OR6P1: variants seen among roughly 807,000 people sequenced by gnomAD.
The protein encoded by OR6P1 is olfactory receptor 6P1.
Under a neutral mutation model 6.6 loss-of-function variants are expected in OR6P1, and 5 were observed. That is an observed-to-expected ratio of 0.76 (90% CI 0.40 to 1.60). OR6P1 has a LOEUF of 1.60. OR6P1 is among the 40% of genes most tolerant of loss of function. The pLI, the probability that OR6P1 is intolerant of heterozygous loss-of-function variation, is 0.02. For synonymous variants in OR6P1, 177 were observed against 149.6 expected (o/e 1.18, Z -1.33); for missense variants, 451 against 383.0 (o/e 1.18, Z -1.48).
At chr1:158,566,533 A>C (rs1365287208) in intron 2 of OR6P1, among the ~76,000 whole-genome samples, 1 of 152,144 alleles carries the variant, frequency 6.6e-6, no homozygotes, top group Non-Finnish European at 1.5e-5. Flanking sequence ...GAACATCTGA[A>C]AGGGGACTTG....
Position 158,562,490 on chromosome 1 carries a change from T to C in OR6P1, c.*161A>G, listed in dbSNP as rs923588128. On this transcript the variant is annotated 3_prime_UTR_variant, in exon 3 of 3. Transcript: ENST00000641540. ...TTAGTTTGAAAACCCCTGTAAAAAA[T>C]AAATGATTCATAAAGTTTCATTTGT... is the stretch of plus-strand genomic sequence containing the variant. 3.4e-6 allele frequency: 2 copies of C among 593,326 alleles called. No homozygotes were observed. Among genetic ancestry groups the C allele is most frequent in the African/African-American group, 1.9e-5 (1 of 53,716 alleles). 36.8% of individuals were successfully genotyped at this position (593,326 alleles called of 1,614,324 possible).
rs184230405 is a variant in OR6P1, at chr1:158,562,741, G to A, written c.864C>T (p.Ala288=). The part of the protein sequence containing the change: ...YTIIVPFFNP[A]IYCLRNKEVK... Reference sequence around the variant, plus strand: ...CCTCCTTGTTCCTCAGGCAGTAGATGGCTGGGTTGAAGAATGGTACAATGA... The same window carrying A: ...CCTCCTTGTTCCTCAGGCAGTAGATAGCTGGGTTGAAGAATGGTACAATGA... Residue 288 remains alanine (A), a synonymous_variant, in exon 3 of 3, where the codon GCC becomes GCT. Transcript: ENST00000641540. 3.6e-4 allele frequency: 559 copies of A among 1,560,108 alleles called. 2 individuals are homozygous for A. Among genetic ancestry groups the A allele is most frequent in the Non-Finnish European group, 1.3e-5 (15 of 1,151,396 alleles).
chr1:158,566,852 A>C lies in OR6P1; in HGVS notation c.-111T>G, dbSNP rs1648108603. 1 of 152,190 alleles carries C rather than the reference A, an allele frequency of 6.6e-6. No homozygotes were observed. The highest frequency in any genetic ancestry group is 1.5e-5 in the Non-Finnish European group (1 of 68,038). The allele number at this position is 152,190 out of a possible 1,614,324, so 9.4% of individuals were successfully genotyped here. ...AAAAGAAACCACCATCAGCGTCAAC[A>C]GGCAACCTACAGAATGGGAGAAAAT... On this transcript the variant is annotated 5_prime_UTR_variant, in exon 2 of 3. Coordinates refer to ENST00000641540, the MANE Select transcript of OR6P1 (RefSeq NM_001160325.2).
chr1:158,563,516 A>AT lies in OR6P1; in HGVS notation c.88_89insA (p.Leu30HisfsTer62). ...TGTCAGAAGGTAAATTGCAAAAAAA[A>AT]GGACAAAGAGGAGCAGCTGGAGGGG... is the stretch of plus-strand genomic sequence containing the variant. On this transcript the variant is annotated frameshift_variant, in exon 3 of 3. Transcript: ENST00000641540. LOFTEE classifies it low-confidence loss of function (END_TRUNC). The AT allele has an allele frequency of 6.4e-7, 1 of 1,551,566 alleles. No individual in the cohort carries two copies. The highest frequency in any genetic ancestry group is 8.7e-7 in the Non-Finnish European group (1 of 1,146,968).
chr1:158,567,581 G>A (rs1346673598), intron 1 of OR6P1, among the ~76,000 whole-genome samples: 2 of 146,456 alleles, frequency 1.4e-5, no homozygotes, highest in East Asian at 2.0e-4. Context: ...ACTCATAGGT[G>A]GGAATTGAAC....
rs1647945309 is a variant in OR6P1 at position 158,561,361 on chromosome 1, T to C, written c.*1290A>G. 6.6e-6 allele frequency: 1 copy of C among 152,174 alleles called. No individual in the cohort carries two copies. Among genetic ancestry groups the C allele is most frequent in the African/African-American group, 2.4e-5 (1 of 41,448 alleles). The allele number at this position is 152,174 out of a possible 1,614,324, so 9.4% of individuals were successfully genotyped here. A position where few individuals can be genotyped will look rare whatever the true frequency, so the allele number is the denominator to read the frequency against. On this transcript the variant is annotated 3_prime_UTR_variant, in exon 3 of 3. Transcript: ENST00000641540. Reference sequence around the variant, plus strand: ...CTTAAACTGTTTTAAGTATCAGATCTTTTATTGTTATTTTGTTTTTAATAC... The same window carrying C: ...CTTAAACTGTTTTAAGTATCAGATCCTTTATTGTTATTTTGTTTTTAATAC...
chr1:158,568,124 T>C (rs541990572), intron 1 of OR6P1, among the ~76,000 whole-genome samples: 1 of 152,286 alleles, frequency 6.6e-6, no homozygotes, highest in South Asian at 2.1e-4. Flanking sequence ...TCAGCCCCTA[T>C]TGTCCACCAG....
chr1:158,563,434 A>T lies in OR6P1; in HGVS notation c.171T>A (p.Arg57=), dbSNP rs12081915. 6.4e-7 allele frequency: 1 copy of T among 1,550,914 alleles called. No individual in the cohort carries two copies. The highest frequency in any genetic ancestry group is 1.7e-4 in the Middle Eastern group (1 of 5,986). ...GATGGCCAAGGAAAAAGTACATGGG[A>T]CGATGAAGGCTTGGAGCAAGCCATA... ...FTIWLAPSLH[R]PMYFFLGHLS... Residue 57 remains arginine, a synonymous_variant, in exon 3 of 3, where the codon CGT becomes CGA. Coordinates refer to ENST00000641540, the MANE Select transcript of OR6P1 (RefSeq NM_001160325.2).
chr1:158,569,282 C>G (rs1182274197), intron 1 of OR6P1, among the ~76,000 whole-genome samples: 1 of 152,168 alleles, frequency 6.6e-6, no homozygotes, highest in Non-Finnish European at 1.5e-5. Context: ...CTATTCACAC[C>G]AGCACATTTG....
rs188709112 is a variant in OR6P1, at chr1:158,563,177, C to A, written c.428G>T (p.Arg143Leu). 1.3e-6 allele frequency: 2 copies of A among 1,551,336 alleles called. No individual in the cohort carries two copies. The highest frequency in any genetic ancestry group is 1.7e-4 in the Middle Eastern group (1 of 5,986). ...PSLMPSSLAT[R>L]LAAASWGSGF... is the part of the protein sequence containing the mutation. ...ACTGCCCCAAGAGGCAGCAGCAAGG[C>A]GAGTGGCCAGACTGGAAGGCATGAG... Residue 143 changes from arginine to leucine, a missense_variant, in exon 3 of 3, where the codon CGC becomes CTC. By Grantham distance (102) the Arg-to-Leu change is moderately radical (BLOSUM62 -2). Coordinates refer to ENST00000641540, the MANE Select transcript of OR6P1 (RefSeq NM_001160325.2).
Position 158,563,204 on chromosome 1 carries a change from C to T in OR6P1, c.401G>A (p.Ser134Asn). The T allele has an allele frequency of 6.4e-7, 1 of 1,551,476 alleles. No individual in the cohort carries two copies. Among genetic ancestry groups the T allele is most frequent in the Non-Finnish European group, 8.7e-7 (1 of 1,146,934 alleles). Residue 134 changes from serine to asparagine, a missense_variant, in exon 3 of 3, where the codon AGT becomes AAT. Coordinates refer to ENST00000641540, the MANE Select transcript of OR6P1 (RefSeq NM_001160325.2). ...AGTGGCCAGACTGGAAGGCATGAGA[C>T]TAGGGTAAAGGAGGGGTCCACAGAT... ...LAICGPLLYP[S>N]LMPSSLATRL... is the part of the protein sequence containing the mutation.
At chr1:158,565,692 G>A (rs1648079265) in intron 2 of OR6P1, among the ~76,000 whole-genome samples, 1 of 152,010 alleles carries the variant, frequency 6.6e-6, no homozygotes, top group African/African-American at 2.4e-5. Flanking sequence ...TTTGTCCAAT[G>A]TTTGCGTGTA....
chr1:158,568,051 C>T (rs1326501705), intron 1 of OR6P1, among the ~76,000 whole-genome samples: 4 of 152,000 alleles, frequency 2.6e-5, no homozygotes, highest in African/African-American at 9.7e-5. Context: ...GAAAACTGAA[C>T]CCTTTTTGCT....
rs372841218 is a variant in OR6P1 at position 158,563,084 on chromosome 1, A to G, written c.521T>C (p.Ile174Thr). The change falls in exon 3 of 3, where the codon ATC becomes ACC. Residue 174 changes from isoleucine to threonine, a missense_variant. By Grantham distance (89) the Ile-to-Thr change is moderately conservative. Transcript: ENST00000641540. Reference sequence around the variant, plus strand: ...GGAAATATCACAGAAAAAGTGGTTGATAATGTTGGGTCCACAGTAGGACAA... The same window carrying G: ...GGAAATATCACAGAAAAAGTGGTTGGTAATGTTGGGTCCACAGTAGGACAA... Reference protein sequence around the residue: ...SQLSYCGPNIINHFFCDISPL... With the variant: ...SQLSYCGPNITNHFFCDISPL... The G allele has an allele frequency of 2.6e-6, 4 of 1,551,868 alleles. No homozygotes were observed. The highest frequency in any genetic ancestry group is 2.7e-5 in the African/African-American group (2 of 73,136).
At position 158,561,365 on chromosome 1, in the gene OR6P1, AT is replaced by A. The variant is rs1001996686; in HGVS notation, c.*1285del. ...AACTGTTTTAAGTATCAGATCTTTT[AT>A]TGTTATTTTGTTTTTAATACTGGAA... On this transcript the variant is annotated 3_prime_UTR_variant, in exon 3 of 3. Coordinates refer to ENST00000641540, the MANE Select transcript of OR6P1 (RefSeq NM_001160325.2). 2.6e-5 allele frequency: 4 copies of A among 152,152 alleles called. No homozygotes were observed. The highest frequency in any genetic ancestry group is 9.7e-5 in the African/African-American group (4 of 41,448). 9.4% of individuals were successfully genotyped at this position (152,152 alleles called of 1,614,324 possible).
At position 158,563,508 on chromosome 1, in the gene OR6P1, C is replaced by CAA; in HGVS notation, c.95_96dup (p.Ala33LeufsTer6). 3.2e-6 allele frequency: 5 copies of CAA among 1,542,854 alleles called. No individual in the cohort carries two copies. Among genetic ancestry groups the CAA allele is most frequent in the Non-Finnish European group, 4.4e-6 (5 of 1,143,864 alleles). ...TCCAACAATGTCAGAAGGTAAATTGCAAAAAAAAGGACAAAGAGGAGCAGC... is the reference window on the plus strand; with the variant it reads ...TCCAACAATGTCAGAAGGTAAATTGCAAAAAAAAAAGGACAAAGAGGAGCAGC... On this transcript the variant is annotated frameshift_variant, in exon 3 of 3. Coordinates refer to ENST00000641540, the MANE Select transcript of OR6P1 (RefSeq NM_001160325.2). LOFTEE classifies it low-confidence loss of function (END_TRUNC).
chr1:158,565,742 C>T lies in OR6P1; in HGVS notation c.-23+1022G>A, dbSNP rs114033077. ...ACCACAATGAGAAACATTTTAGCAT[C>T]GATTCTATTCTGAATTTTCATTTTG... On this transcript the variant is annotated intron_variant, in intron 2 of 2. Transcript: ENST00000641540. Among the ~76,000 whole-genome samples the T allele has an allele frequency of 1.1e-4, 17 of 152,158 alleles. No homozygotes were observed. In the East Asian group the frequency reaches 1.9e-3, roughly 17 times the overall value.
chr1:158,568,860 G>C (rs755451857), intron 1 of OR6P1, among the ~76,000 whole-genome samples: 1 of 152,084 alleles, frequency 6.6e-6, no homozygotes, highest in Non-Finnish European at 1.5e-5. Flanking sequence ...AGATCTATGG[G>C]GTAGCTATGT....
intron 1 of OR6P1, among the ~76,000 whole-genome samples, chr1:158,568,932 G>A (rs1363984871): frequency 6.6e-6 from 1 of 152,120 alleles, no homozygotes; most frequent in Non-Finnish European, 1.5e-5. Context: ...TTCTAGTGAA[G>A]TTCATTGCTT....
Sources: gnomAD v4.1 joint callset for allele counts (sites outside exome capture counted in the v4.1 genomes callset) on GRCh38, gnomAD v4.1.1 for gene constraint, MANE v1.5 for transcripts, NCBI Gene and HGNC (gene_info 2026-07-23, HGNC 2026-07-21) for gene names.